PCDHA8: variants seen among roughly 807,000 people sequenced by gnomAD.
The protein encoded by PCDHA8 is protocadherin alpha 8, also known as protocadherin alpha-8.
A neutral mutation model predicts 61.8 loss-of-function variants in PCDHA8; 53 were observed. The ratio of observed to expected loss-of-function variants is 0.86; its 90% CI spans 0.69 to 1.08. PCDHA8 has a LOEUF of 1.08. Among genes scored for constraint, PCDHA8 ranks in the 50% least tolerant of loss-of-function variants. PCDHA8 has a pLI of 0.00. For missense variants in PCDHA8, 1,293 were observed against 1,245.0 expected, an observed-to-expected ratio of 1.04 and a Z score of -0.58; for synonymous variants, 618 against 556.6, an observed-to-expected ratio of 1.11 and a Z score of -1.55.
In PCDHA8 at chr5:140,894,992, T is replaced by C. The variant is rs78280553; in HGVS notation, c.2394+51277T>C. Among the ~76,000 whole-genome samples, 440 of 152,300 alleles carry C rather than the reference T, an allele frequency of 2.9e-3. 1 individual carries two copies. The highest frequency in any genetic ancestry group is 0.01 in the African/African-American group (421 of 41,556). On this transcript the variant is annotated intron_variant, in intron 1 of 3. Transcript: ENST00000531613. ...TAATGTCTTACTTTGTGACATCCTT[T>C]ACCCTTTTTACTTGGACCTTTTTCC...
Position 140,870,991 on chromosome 5 carries a change from A to G in PCDHA8, c.2394+27276A>G, listed in dbSNP as rs782466247. On this transcript the variant is annotated intron_variant, in intron 1 of 3. Coordinates refer to ENST00000531613, the MANE Select transcript of PCDHA8 (RefSeq NM_018911.3). ...CCGCGTGGGGCTGTACACGGGCGAGATAAGCACAACGCGTGCCCTGGACGA... is the reference window on the plus strand; with the variant it reads ...CCGCGTGGGGCTGTACACGGGCGAGGTAAGCACAACGCGTGCCCTGGACGA... 10 of 1,613,364 alleles carry G rather than the reference A, an allele frequency of 6.2e-6. No individual in the cohort carries two copies. The East Asian group carries it at 1.1e-4, about 18-fold the overall frequency.
chr5:140,966,971 C>T lies in PCDHA8; in HGVS notation c.2395-11978C>T, dbSNP rs375161984. On this transcript the variant is annotated intron_variant, in intron 1 of 3. Coordinates refer to ENST00000531613, the MANE Select transcript of PCDHA8 (RefSeq NM_018911.3). ...CGTGGCTCGCGCGCTGGGGCTTGAG[C>T]TGCGGCGCTTGGGGCCGGGTTGCTT... 13 of 1,602,690 alleles carry T rather than the reference C, an allele frequency of 8.1e-6. No homozygotes were observed. The African/African-American group carries it at 1.7e-4, about 21-fold the overall frequency.
chr5:140,850,941 T>A lies in PCDHA8; in HGVS notation c.2394+7226T>A. The A allele has an allele frequency of 2.0e-6, 3 of 1,505,592 alleles. 1 individual carries two copies. 93.3% of individuals were successfully genotyped at this position (1,505,592 alleles called of 1,614,324 possible). On this transcript the variant is annotated intron_variant, in intron 1 of 3. Coordinates refer to ENST00000531613, the MANE Select transcript of PCDHA8 (RefSeq NM_018911.3). ...TTATATAATTTTTTTTCTTGAAAGATATTATCGATTACTCCCAGGGGCCGT... is the reference window on the plus strand; with the variant it reads ...TTATATAATTTTTTTTCTTGAAAGAAATTATCGATTACTCCCAGGGGCCGT...
At chr5:140,995,999 G>A (rs1489207802) in intron 3 of PCDHA8, among the ~76,000 whole-genome samples, 3 of 152,198 alleles carry the variant, frequency 2.0e-5, no homozygotes, top group Admixed American at 6.5e-5. Context: ...CAAAAATGTC[G>A]TCAGAACTAT....
chr5:140,851,627 C>G (rs1278178767), intron 1 of PCDHA8: 1 of 918,180 alleles, frequency 1.1e-6, no homozygotes, highest in Admixed American at 6.3e-5. Context: ...GCTTTTTAAA[C>G]AAGTGTTTCC....
intron 1 of PCDHA8, among the ~76,000 whole-genome samples, chr5:140,953,839 A>G (rs2094940958): frequency 6.6e-6 from 1 of 152,192 alleles, no homozygotes; most frequent in African/African-American, 2.4e-5. Flanking sequence ...TTTGTTACCC[A>G]GGTAAACATG....
chr5:140,877,057 G>C, intron 1 of PCDHA8: 1 of 1,612,862 alleles, frequency 6.2e-7, no homozygotes. Flanking sequence ...CGAGGAGCTG[G>C]AGCTGCTGCA....
At chr5:140,856,849 T>G (rs1327483649) in intron 1 of PCDHA8, 1 of 1,593,444 alleles carries the variant, frequency 6.3e-7, no homozygotes, top group African/African-American at 1.3e-5. Flanking sequence ...ACGCTTCTGA[T>G]TCGGATGAAG....
chr5:140,998,005 C>T (rs539275150), intron 3 of PCDHA8, among the ~76,000 whole-genome samples: 300 of 152,282 alleles, frequency 2.0e-3, no homozygotes, highest in Non-Finnish European at 3.8e-3. Context: ...TCTGAGCCTT[C>T]CATCCCCACC....
At chr5:140,858,112 G>A (rs943720366) in intron 1 of PCDHA8, 27 of 1,597,680 alleles carry the variant, frequency 1.7e-5, no homozygotes, top group Non-Finnish European at 2.3e-5. Context: ...TGGCGCCCGA[G>A]GTGGCCCTGG....
At chr5:140,869,837 C>G (rs374182289) in intron 1 of PCDHA8, 1 of 1,611,484 alleles carries the variant, frequency 6.2e-7, no homozygotes, top group African/African-American at 1.3e-5. Context: ...TTTGATAAAT[C>G]AGAATATAAG....
chr5:140,905,248 C>A (rs143714633), intron 1 of PCDHA8, among the ~76,000 whole-genome samples: 43 of 152,208 alleles, frequency 2.8e-4, no homozygotes, highest in African/African-American at 8.7e-4. Context: ...TTCATTCTTC[C>A]ACATGAGGCT....
chr5:140,853,378 T>G, intron 1 of PCDHA8: 1 of 985,390 alleles, frequency 1.0e-6, no homozygotes, highest in Non-Finnish European at 1.2e-6. Context: ...ATGGTAAAAT[T>G]CAAAACAGCC....
At chr5:140,994,387 C>G (rs192635308) in intron 3 of PCDHA8, among the ~76,000 whole-genome samples, 1 of 152,174 alleles carries the variant, frequency 6.6e-6, no homozygotes, top group South Asian at 2.1e-4. Context: ...GGGACTAAGT[C>G]AGAGATTATT....
intron 1 of PCDHA8, chr5:140,857,912 C>A: frequency 1.3e-6 from 2 of 1,597,766 alleles, no homozygotes; most frequent in African/African-American, 1.3e-5. Flanking sequence ...CATCCCGTTT[C>A]GCGTGGGGCT....
At chr5:140,884,577 T>C (rs2060274481) in intron 1 of PCDHA8, 2 of 1,614,230 alleles carry the variant, frequency 1.2e-6, no homozygotes, top group East Asian at 4.5e-5. Context: ...ACGGACCTCA[T>C]GGCCTTCAGT....
intron 1 of PCDHA8, chr5:140,849,798 C>G (rs1356253349): frequency 1.3e-6 from 2 of 1,598,416 alleles, no homozygotes; most frequent in African/African-American, 1.3e-5. Context: ...CTCGCCTTCA[C>G]TGTGGGCCAC....
intron 1 of PCDHA8, chr5:140,968,379 A>C: frequency 6.2e-7 from 1 of 1,614,034 alleles, no homozygotes; most frequent in Non-Finnish European, 8.5e-7. Context: ...AACTCCTTTG[A>C]CTATGAGAAG....
intron 1 of PCDHA8, chr5:140,851,685 G>T: frequency 1.1e-6 from 1 of 926,488 alleles, no homozygotes; most frequent in Non-Finnish European, 1.3e-6. Context: ...TCTCCATTCA[G>T]TGATAAAATG....
Sources: gnomAD v4.1 joint callset for allele counts (sites outside exome capture counted in the v4.1 genomes callset) on GRCh38, gnomAD v4.1.1 for gene constraint, MANE v1.5 for transcripts, NCBI Gene and HGNC (gene_info 2026-07-23, HGNC 2026-07-21) for gene names.